The following SLC25A53 variants were observed in gnomAD, a reference collection of about 807,000 sequenced individuals.
The protein encoded by SLC25A53 is solute carrier family 25 member 53.
In SLC25A53, 5 loss-of-function variants were observed where a neutral mutation model predicts 15.0. The observed-to-expected ratio is 0.33, with a 90% CI of 0.17 to 0.70. SLC25A53 has a LOEUF of 0.70. SLC25A53 is among the 30% of genes least tolerant of loss of function. SLC25A53 has a pLI of 0.67. For missense variants in SLC25A53, 216 were observed against 241.6 expected, an observed-to-expected ratio of 0.89 and a Z score of 0.70; for synonymous variants, 95 against 100.0, an observed-to-expected ratio of 0.95 and a Z score of 0.30.
intron 1 of SLC25A53, among the ~76,000 whole-genome samples, chrX:104,156,293 A>G (rs1329692589): frequency 9.0e-6 from 1 of 111,052 alleles, no homozygotes; most frequent in Non-Finnish European, 1.9e-5. Flanking sequence ...ATAGATTTTC[A>G]TAACACAGGA....
In SLC25A53 at chrX:104,101,749, A is replaced by G. The variant is rs2075281763; in HGVS notation, c.*2585T>C. 1 of 112,192 alleles carries G rather than the reference A, an allele frequency of 8.9e-6. No homozygotes were observed. Among genetic ancestry groups the G allele is most frequent in the African/African-American group, 3.2e-5 (1 of 30,864 alleles). 9.2% of individuals were successfully genotyped at this position (112,192 alleles called of 1,213,427 possible). On this transcript the variant is annotated 3_prime_UTR_variant, in exon 2 of 2. Coordinates refer to ENST00000594199, the MANE Select transcript of SLC25A53 (RefSeq NM_001012755.5). ...CTCTCAGATAGTTCAGGGAAAAAAT[A>G]TCCTGTGTGTGTATAGACAGAGTGC...
rs2075289316 is a variant in SLC25A53, at chrX:104,103,190, G to A, written c.*1144C>T. On this transcript the variant is annotated 3_prime_UTR_variant, in exon 2 of 2. Coordinates refer to ENST00000594199, the MANE Select transcript of SLC25A53 (RefSeq NM_001012755.5). ...ACAGAGACTAATGTCACATTCAGTT[G>A]GGGAAAATCAAGAACTCCATAGAGA... 1 of 110,653 alleles carries A rather than the reference G, an allele frequency of 9.0e-6. No homozygotes were observed. Among genetic ancestry groups the A allele is most frequent in the Admixed American group, 9.6e-5 (1 of 10,394 alleles). The allele number at this position is 110,653 out of a possible 1,213,427, so 9.1% of individuals were successfully genotyped here.
chrX:104,139,323 G>C lies in SLC25A53; in HGVS notation c.-32+17555C>G, dbSNP rs1478038511. On this transcript the variant is annotated intron_variant, in intron 1 of 1. Coordinates refer to ENST00000594199, the MANE Select transcript of SLC25A53 (RefSeq NM_001012755.5). ...ACTTGAGGCCAGGAGTTCAACACCA[G>C]CCTGTCCAACATGGTGAAACCCTGT... Among the ~76,000 whole-genome samples the C allele has an allele frequency of 5.3e-5, 6 of 112,319 alleles. No individual in the cohort carries two copies. In the East Asian group the frequency reaches 8.5e-4, roughly 16 times the overall value.
chrX:104,120,651 C>T (rs1556362532), intron 1 of SLC25A53, among the ~76,000 whole-genome samples: 1 of 111,707 alleles, frequency 9.0e-6, no homozygotes, highest in Non-Finnish European at 1.9e-5. Context: ...TTTATTTCTT[C>T]TTTCCCAATC....
At chrX:104,105,413 C>A (rs1556355703) in intron 1 of SLC25A53, 125 bp from the exon 2 acceptor site, 2 of 441,615 alleles carry the variant, frequency 4.5e-6, no homozygotes, top group Non-Finnish European at 7.7e-6. Context: ...CTCTTTGAGC[C>A]AGTTTCTGAT....
At chrX:104,113,942 G>C in intron 1 of SLC25A53, 1 of 787,709 alleles carries the variant, frequency 1.3e-6, no homozygotes, top group Non-Finnish European at 1.8e-6. Flanking sequence ...ACTGCAGACT[G>C]CTTCCCCACA....
intron 1 of SLC25A53, among the ~76,000 whole-genome samples, chrX:104,117,208 C>G (rs1431703278): frequency 1.0e-5 from 1 of 98,833 alleles, no homozygotes; most frequent in African/African-American, 3.8e-5. Context: ...CCATCCATAT[C>G]CCCACAATCT....
At chrX:104,149,372 A>C (rs1200557653) in intron 1 of SLC25A53, among the ~76,000 whole-genome samples, 1 of 112,614 alleles carries the variant, frequency 8.9e-6, no homozygotes, top group African/African-American at 3.2e-5. Context: ...TCTACTTCAT[A>C]ATGTCTGGGG....
At position 104,101,127 on chromosome X, in the gene SLC25A53, C is replaced by G. The variant is rs1302340113; in HGVS notation, c.*3207G>C. On this transcript the variant is annotated 3_prime_UTR_variant, in exon 2 of 2. Transcript: ENST00000594199. Reference sequence around the variant, plus strand: ...TTGGGGAAATACTTAACGTTTACCACTTTATTATAAAGGATATATCAAAGG... The same window carrying G: ...TTGGGGAAATACTTAACGTTTACCAGTTTATTATAAAGGATATATCAAAGG... 1.8e-5 allele frequency: 2 copies of G among 112,062 alleles called. No homozygotes were observed. The highest frequency in any genetic ancestry group is 6.5e-5 in the African/African-American group (2 of 30,806). 9.2% of individuals were successfully genotyped at this position (112,062 alleles called of 1,213,427 possible).
At chrX:104,153,201 T>C (rs1193519206) in intron 1 of SLC25A53, among the ~76,000 whole-genome samples, 5 of 111,067 alleles carry the variant, frequency 4.5e-5, no homozygotes, top group Admixed American at 9.6e-5. Flanking sequence ...GGCAATTTCA[T>C]TGTGAGAACA....
chrX:104,139,812 CAATA>C (rs1483388636), intron 1 of SLC25A53, among the ~76,000 whole-genome samples: 1 of 110,322 alleles, frequency 9.1e-6, no homozygotes, highest in Admixed American at 9.6e-5. Context: ...GACTCTGTCT[CAATA>C]AATAAATAAA....
rs1465715866 is a variant in SLC25A53, at chrX:104,105,023, G to T, written c.235C>A (p.Arg79=). The T allele has an allele frequency of 1.7e-6, 2 of 1,209,975 alleles. No homozygotes were observed. Among genetic ancestry groups the T allele is most frequent in the African/African-American group, 3.5e-5 (2 of 57,144 alleles). Residue 79 remains arginine, a synonymous_variant, in exon 2 of 2, where the codon CGG becomes AGG. Coordinates refer to ENST00000594199, the MANE Select transcript of SLC25A53 (RefSeq NM_001012755.5). ...GAGAGAAGAGGAGGGTAGATTCCCC[G>T]GTAGAAGTATTGAGGACCTTCATGC... ...LWHEGPQYFY[R]GIYPPLLSKT...
intron 1 of SLC25A53, among the ~76,000 whole-genome samples, chrX:104,151,874 C>T (rs782330463): frequency 8.9e-5 from 10 of 111,904 alleles, no homozygotes; most frequent in African/African-American, 3.2e-4. Flanking sequence ...CGGAAAATAA[C>T]ACTACCTGTA....
chrX:104,127,473 A>G (rs1602497923), intron 1 of SLC25A53, among the ~76,000 whole-genome samples: 2 of 111,636 alleles, frequency 1.8e-5, no homozygotes, highest in South Asian at 7.5e-4. Context: ...ACACACACAC[A>G]TAAAAATGCA....
At position 104,104,643 on chromosome X, in the gene SLC25A53, C is replaced by T. The variant is rs150673921; in HGVS notation, c.615G>A (p.Glu205=). 1.1e-4 allele frequency: 136 copies of T among 1,209,881 alleles called. 1 individual carries two copies. In the African/African-American group the frequency reaches 1.9e-3, roughly 17 times the overall value. ...FKDPIQDGLA[E]QGLPHWVPAL... ...CAGGAACCCAGTGGGGCAGGCCTTG[C>T]TCTGCCAGGCCATCCTGGATGGGGT... The change falls in exon 2 of 2, where the codon GAG becomes GAA. Residue 205 remains glutamate, a synonymous_variant. Coordinates refer to ENST00000594199, the MANE Select transcript of SLC25A53 (RefSeq NM_001012755.5).
intron 1 of SLC25A53, among the ~76,000 whole-genome samples, chrX:104,122,948 T>G (rs782416388): frequency 6.6e-4 from 74 of 112,187 alleles, no homozygotes; most frequent in African/African-American, 2.4e-3. Flanking sequence ...AGTTAACTTC[T>G]CTGCTTCAGC....
chrX:104,123,559 CT>C lies in SLC25A53; in HGVS notation c.-31-18272del, dbSNP rs1157826914. Among the ~76,000 whole-genome samples the C allele has an allele frequency of 9.3e-5, 10 of 107,304 alleles. No homozygotes were observed. The East Asian group carries it at 3.0e-3, about 32-fold the overall frequency. 93.2% of individuals were successfully genotyped at this position (107,304 alleles called of 115,157 possible). A position where few individuals can be genotyped will look rare whatever the true frequency, so the allele number is the denominator to read the frequency against. ...CTGATTTGTTTATTTTTTTTTTTTA[CT>C]TTTTTTCCCTTTTTTTAAAATTATA... On this transcript the variant is annotated intron_variant, in intron 1 of 1. Transcript: ENST00000594199.
At chrX:104,108,357 A>G in intron 1 of SLC25A53, among the ~76,000 whole-genome samples, 1 of 111,748 alleles carries the variant, frequency 8.9e-6, no homozygotes, top group Non-Finnish European at 1.9e-5. Context: ...AAAGTGGTTG[A>G]GAATCCATAA....
intron 1 of SLC25A53, chrX:104,114,198 G>A (rs1556360268): frequency 1.7e-6 from 2 of 1,208,786 alleles, no homozygotes. Context: ...TGAGGTCTCT[G>A]GGGAGGAGTC....
Sources: gnomAD v4.1 joint callset for allele counts (sites outside exome capture counted in the v4.1 genomes callset) on GRCh38, gnomAD v4.1.1 for gene constraint, MANE v1.5 for transcripts, NCBI Gene and HGNC (gene_info 2026-07-23, HGNC 2026-07-21) for gene names.